The following FAM184A variants were observed in gnomAD, a reference collection of about 807,000 sequenced individuals.
FAM184A encodes the protein family with sequence similarity 184 member A, also known as protein FAM184A.
In FAM184A, 99 loss-of-function variants were observed where a neutral mutation model predicts 143.8. The observed-to-expected ratio is 0.69, with a 90% confidence interval of 0.58 to 0.81. FAM184A has a LOEUF of 0.81. Among genes scored for constraint, FAM184A ranks in the 40% least tolerant of loss-of-function variants. FAM184A has a pLI of 0.00. For synonymous variants in FAM184A, 427 were observed against 446.4 expected, an observed-to-expected ratio of 0.96 and a Z score of 0.55; for missense variants, 1,217 against 1,310.5, an observed-to-expected ratio of 0.93 and a Z score of 1.10.
chr6:119,010,475 T>C (rs1337835703), intron 6 of FAM184A, among the ~76,000 whole-genome samples: 3 of 152,196 alleles, frequency 2.0e-5, no homozygotes, highest in African/African-American at 7.2e-5. Context: ...TCTTAAATTA[T>C]ACAAATTATT....
intron 4 of FAM184A, among the ~76,000 whole-genome samples, chr6:119,018,949 A>G (rs2357021): frequency 0.51 from 77,369 of 151,768 alleles, 20,526 homozygotes; most frequent in African/African-American, 0.56. Context: ...TACTTTTGAG[A>G]GGAGAAAGTT....
At chr6:119,080,661 G>A (rs888296191), upstream of FAM184A, among the ~76,000 whole-genome samples, 5 of 152,194 alleles carry the variant, frequency 3.3e-5, no homozygotes, top group African/African-American at 1.2e-4. Context: ...ATACTTACTG[G>A]TTGAGCTTCC....
intron 4 of FAM184A, 57 bp from the exon 5 acceptor site, chr6:119,017,001 G>T: frequency 8.2e-7 from 1 of 1,224,318 alleles, no homozygotes; most frequent in Non-Finnish European, 1.2e-6. Context: ...ACTGTTATTA[G>T]GGTAATTTGA....
chr6:119,126,842 A>T (rs1789380229), intron 1 of FAM184A, among the ~76,000 whole-genome samples: 1 of 152,200 alleles, frequency 6.6e-6, no homozygotes, highest in African/African-American at 2.4e-5. Context: ...AGTGGCTCTC[A>T]GCAGGAAGGG....
chr6:119,117,327 A>G (rs1386464247), intron 1 of FAM184A, among the ~76,000 whole-genome samples: 1 of 152,250 alleles, frequency 6.6e-6, no homozygotes, highest in Non-Finnish European at 1.5e-5. Flanking sequence ...TAGGCTAGGA[A>G]ACAGGGAAGA....
At chr6:119,146,502 C>T (rs533603534) in intron 1 of FAM184A, among the ~76,000 whole-genome samples, 12 of 151,628 alleles carry the variant, frequency 7.9e-5, no homozygotes, top group African/African-American at 2.9e-4. Context: ...GTGATCACAG[C>T]CCACTGCAGC....
intron 1 of FAM184A, among the ~76,000 whole-genome samples, chr6:119,142,091 C>A (rs567719790): frequency 1.3e-5 from 2 of 152,182 alleles, no homozygotes; most frequent in African/African-American, 2.4e-5. Flanking sequence ...ATAGTTAAAG[C>A]GTTGAGAGTT....
At chr6:119,101,970 C>T (rs1352030089) in intron 1 of FAM184A, among the ~76,000 whole-genome samples, 4 of 152,058 alleles carry the variant, frequency 2.6e-5, no homozygotes, top group Middle Eastern at 6.8e-3. Flanking sequence ...GTAGGAGAAT[C>T]GCTTGAACCT....
At chr6:119,017,016 C>T (rs150711764) in intron 4 of FAM184A, 72 bp from the exon 5 acceptor site, 2 of 992,154 alleles carry the variant, frequency 2.0e-6, no homozygotes, top group African/African-American at 1.6e-5. Flanking sequence ...ATTTGAATAC[C>T]CTATAAATAT....
intron 7 of FAM184A, among the ~76,000 whole-genome samples, chr6:119,005,020 C>A (rs74799886): frequency 0.026 from 3,993 of 152,224 alleles, 63 homozygotes; most frequent in Non-Finnish European, 0.038. Context: ...CAACTGTCTA[C>A]TTTTAAATAT....
chr6:119,077,254 T>C (rs1165150515), intron 1 of FAM184A, among the ~76,000 whole-genome samples: 3 of 152,162 alleles, frequency 2.0e-5, no homozygotes, highest in Non-Finnish European at 4.4e-5. Context: ...CCCATCTCTC[T>C]TCAGCATACC....
At chr6:119,075,034 A>G (rs7745460) in intron 1 of FAM184A, among the ~76,000 whole-genome samples, 18,658 of 152,236 alleles carry the variant, frequency 0.12, 1,497 homozygotes, top group African/African-American at 0.21. Flanking sequence ...CTGCTTTTTA[A>G]TTAAAAATAT....
chr6:118,998,227 GA>G (rs1181379215), intron 9 of FAM184A, among the ~76,000 whole-genome samples: 5 of 152,184 alleles, frequency 3.3e-5, no homozygotes, highest in African/African-American at 1.2e-4. Flanking sequence ...CAAAGCAGAT[GA>G]TTGATCCTTT....
At chr6:118,982,269 G>A (rs987442149) in intron 9 of FAM184A, among the ~76,000 whole-genome samples, 3 of 152,132 alleles carry the variant, frequency 2.0e-5, no homozygotes, top group South Asian at 2.1e-4. Context: ...CGGTAGAGCC[G>A]TTCTCTTCCC....
rs191583090 is a variant in FAM184A, at chr6:119,113,627, G to C, written c.-202+35451C>G. ...CAGTACAATAAGATATTGAGAGAGA[G>C]AGAGAGAAAGAGAGAGAGAGAGAGA... is the stretch of plus-strand genomic sequence containing the variant. On this transcript the variant is annotated intron_variant, in intron 1 of 16. Coordinates refer to the FAM184A transcript ENST00000352896. Among the ~76,000 whole-genome samples the C allele has an allele frequency of 3.1e-3, 444 of 144,978 alleles. 2 individuals carry two copies. The highest frequency in any genetic ancestry group is 7.6e-3 in the Admixed American group (112 of 14,776).
At chr6:119,027,415 C>A (rs1785672471) in intron 1 of FAM184A, among the ~76,000 whole-genome samples, 1 of 152,132 alleles carries the variant, frequency 6.6e-6, no homozygotes, top group Non-Finnish European at 1.5e-5. Flanking sequence ...TATATTTGGT[C>A]TCTTCCCCCA....
At chr6:119,138,196 T>C (rs1281565530) in intron 1 of FAM184A, among the ~76,000 whole-genome samples, 1 of 152,230 alleles carries the variant, frequency 6.6e-6, no homozygotes, top group East Asian at 1.9e-4. Flanking sequence ...TCAAGTGAGA[T>C]ATGTGAGCTA....
At chr6:119,023,114 A>G (rs754501590) in intron 2 of FAM184A, 34 bp from the exon 3 acceptor site, 5 of 1,609,304 alleles carry the variant, frequency 3.1e-6, no homozygotes, top group Middle Eastern at 3.3e-4. Flanking sequence ...GTTAAAATGC[A>G]GGAATAATAC....
At chr6:119,044,676 T>C (rs1388413820) in intron 1 of FAM184A, among the ~76,000 whole-genome samples, 1 of 151,754 alleles carries the variant, frequency 6.6e-6, no homozygotes, top group African/African-American at 2.4e-5. Flanking sequence ...AAGAAAACAA[T>C]TCCAATTACC....
Sources: allele counts gnomAD v4.1 joint callset (sites outside exome capture counted in the v4.1 genomes callset), GRCh38; gene constraint gnomAD v4.1.1; transcripts MANE v1.5; gene names NCBI Gene and HGNC (gene_info 2026-07-23, HGNC 2026-07-21).